Variants in RAB38 observed in about 807,000 individuals in gnomAD.
RAB38 encodes the protein ras-related protein Rab-38.
Under a neutral mutation model 18.4 loss-of-function variants are expected in RAB38, and 15 were observed. The observed-to-expected ratio is 0.82, with a 90% CI of 0.55 to 1.26. The LOEUF (loss-of-function observed/expected upper bound fraction) is 1.26, where lower values mean the gene tolerates loss of function less well. Among genes scored for constraint, RAB38 ranks in the 50% most tolerant of loss-of-function variants. The probability of loss-of-function intolerance (pLI) is 0.00; values close to 1 mark genes in which losing one functional copy is unlikely to be tolerated. For missense variants in RAB38, 294 were observed against 267.4 expected (o/e 1.10, Z -0.69); for synonymous variants, 101 against 104.4 (o/e 0.97, Z 0.20).
At chr11:87,931,571 T>G in the RAB38 span, among the ~76,000 whole-genome samples, 1 of 152,076 alleles carries the variant, frequency 6.6e-6, no homozygotes, top group Non-Finnish European at 1.5e-5. Context: ...GCTTCCATGT[T>G]GTGAATTCCC....
chr11:88,074,149 A>G, the RAB38 span, among the ~76,000 whole-genome samples: 9 of 152,254 alleles, frequency 5.9e-5, no homozygotes, highest in Admixed American at 1.3e-4. Flanking sequence ...CAAAGCTTAA[A>G]TAATGAAAAT....
At chr11:88,046,516 A>C in the RAB38 span, among the ~76,000 whole-genome samples, 1 of 152,168 alleles carries the variant, frequency 6.6e-6, no homozygotes, top group Non-Finnish European at 1.5e-5. Context: ...GACACCCATC[A>C]GGCTTAGCAA....
At chr11:87,824,941 GA>G in the RAB38 span, among the ~76,000 whole-genome samples, 2 of 152,084 alleles carry the variant, frequency 1.3e-5, no homozygotes, top group Middle Eastern at 3.2e-3. Flanking sequence ...ACATCATTGT[GA>G]AATTTCAGAA....
At chr11:87,886,082 A>G in the RAB38 span, among the ~76,000 whole-genome samples, 2 of 151,906 alleles carry the variant, frequency 1.3e-5, no homozygotes, top group South Asian at 4.2e-4. Flanking sequence ...ACACCGTTTC[A>G]ACTCCCACAT....
chr11:87,906,536 T>A, the RAB38 span, among the ~76,000 whole-genome samples: 1 of 151,982 alleles, frequency 6.6e-6, no homozygotes, highest in African/African-American at 2.4e-5. Flanking sequence ...ATTATTATTC[T>A]GAAGTTAAAA....
chr11:87,913,956 T>G, the RAB38 span, among the ~76,000 whole-genome samples: 1 of 152,050 alleles, frequency 6.6e-6, no homozygotes, highest in Non-Finnish European at 1.5e-5. Context: ...TTTTTTTCTT[T>G]AGAGATAACC....
At chr11:87,832,409 G>A in the RAB38 span, among the ~76,000 whole-genome samples, 1 of 152,116 alleles carries the variant, frequency 6.6e-6, no homozygotes, top group African/African-American at 2.4e-5. Flanking sequence ...CTGTGCTCCT[G>A]GTTTCACAAG....
chr11:88,079,019 T>G, the RAB38 span, among the ~76,000 whole-genome samples: 3 of 151,756 alleles, frequency 2.0e-5, no homozygotes, highest in African/African-American at 7.2e-5. Context: ...TATGTATCAA[T>G]TAAAAAACTT....
the RAB38 span, among the ~76,000 whole-genome samples, chr11:87,852,372 T>C: frequency 1.3e-5 from 2 of 152,192 alleles, no homozygotes; most frequent in Admixed American, 6.6e-5. Context: ...ATCAACCTTC[T>C]AGTCATTTCA....
intron 2 of RAB38, among the ~76,000 whole-genome samples, chr11:88,141,304 C>T (rs555421239): frequency 3.9e-5 from 6 of 152,098 alleles, no homozygotes; most frequent in Non-Finnish European, 8.8e-5. Context: ...TTGATTATCA[C>T]AACTGATTGG....
chr11:88,035,718 T>A, the RAB38 span, among the ~76,000 whole-genome samples: 1 of 152,252 alleles, frequency 6.6e-6, no homozygotes, highest in East Asian at 1.9e-4. Context: ...TTTGGTTGAC[T>A]AAGCGTCTTG....
chr11:88,150,736 A>C (rs1184259767), intron 1 of RAB38, among the ~76,000 whole-genome samples: 1 of 152,204 alleles, frequency 6.6e-6, no homozygotes, highest in Non-Finnish European at 1.5e-5. Flanking sequence ...AGAAATCATA[A>C]TTCAAACCTG....
the RAB38 span, among the ~76,000 whole-genome samples, chr11:87,906,831 C>T: frequency 1.7e-4 from 26 of 151,918 alleles, no homozygotes; most frequent in South Asian, 4.6e-3. Flanking sequence ...CTTTTATTCA[C>T]CCATTGATAT....
At chr11:87,966,542 A>G in the RAB38 span, among the ~76,000 whole-genome samples, 16 of 152,210 alleles carry the variant, frequency 1.1e-4, no homozygotes. Flanking sequence ...GCAACATGCA[A>G]GAGAGGAGAC....
chr11:87,840,568 T>A, the RAB38 span, among the ~76,000 whole-genome samples: 1 of 152,206 alleles, frequency 6.6e-6, no homozygotes, highest in Non-Finnish European at 1.5e-5. Context: ...AACATTTTAT[T>A]CTAATGCTAA....
chr11:88,028,761 C>T, the RAB38 span, among the ~76,000 whole-genome samples: 1 of 152,166 alleles, frequency 6.6e-6, no homozygotes, highest in African/African-American at 2.4e-5. Context: ...GATTGGTGTA[C>T]ATGAAAGTGA....
At chr11:88,020,663 G>C in the RAB38 span, among the ~76,000 whole-genome samples, 1 of 152,092 alleles carries the variant, frequency 6.6e-6, no homozygotes, top group Non-Finnish European at 1.5e-5. Context: ...TTTCTCCTCA[G>C]CACATGGATT....
At chr11:88,154,814 GCCA>G (rs1280509997) in intron 1 of RAB38, among the ~76,000 whole-genome samples, 3 of 152,132 alleles carry the variant, frequency 2.0e-5, no homozygotes, top group Non-Finnish European at 4.4e-5. Flanking sequence ...TGCTCATCTG[GCCA>G]CCACACCTGT....
the RAB38 span, among the ~76,000 whole-genome samples, chr11:87,896,778 T>TA: frequency 6.6e-6 from 1 of 151,598 alleles, no homozygotes; most frequent in African/African-American, 2.4e-5. Flanking sequence ...TGGCTGGTCT[T>TA]ACCTATGATA....
Sources: gnomAD v4.1 joint callset for allele counts (sites outside exome capture counted in the v4.1 genomes callset) on GRCh38, gnomAD v4.1.1 for gene constraint, MANE v1.5 for transcripts, NCBI Gene and HGNC (gene_info 2026-07-23, HGNC 2026-07-21) for gene names.